The following HNRNPLL variants were observed in gnomAD, a reference collection of about 807,000 sequenced individuals.
HNRNPLL encodes heterogeneous nuclear ribonucleoprotein L like, also known as heterogeneous nuclear ribonucleoprotein L-like.
A neutral mutation model predicts 67.1 loss-of-function variants in HNRNPLL; 25 were observed. The observed-to-expected ratio is 0.37, with a 90% CI of 0.27 to 0.52. HNRNPLL has a LOEUF of 0.52. Among genes scored for constraint, HNRNPLL ranks in the 20% least tolerant of loss-of-function variants. HNRNPLL has a pLI of 0.90. For missense variants in HNRNPLL, 542 were observed against 673.9 expected (o/e 0.80, Z 2.17); for synonymous variants, 267 against 241.7 (o/e 1.10, Z -0.97).
At chr2:38,602,341 G>A (rs959456967) in intron 1 of HNRNPLL, 97 bp downstream of exon 1, 16 of 1,225,588 alleles carry the variant, frequency 1.3e-5, no homozygotes, top group Non-Finnish European at 1.7e-5. Flanking sequence ...CGGCGCAGCG[G>A]AAAAGGCTAA....
chr2:38,591,836 C>T (rs1044214412), intron 1 of HNRNPLL, among the ~76,000 whole-genome samples, 188 bp from the exon 2 acceptor site: 1 of 151,942 alleles, frequency 6.6e-6, no homozygotes, highest in African/African-American at 2.4e-5. Flanking sequence ...ATTAGCCAGG[C>T]ATGGTGGCAC....
chr2:38,571,024 G>A (rs774530688), intron 8 of HNRNPLL, among the ~76,000 whole-genome samples: 11 of 152,048 alleles, frequency 7.2e-5, no homozygotes, highest in East Asian at 3.8e-4. Context: ...CAGCCTCGGC[G>A]ATAGAACAAG....
intron 12 of HNRNPLL, 26 bp downstream of exon 12, chr2:38,568,173 C>T (rs1665944281): frequency 7.7e-6 from 11 of 1,433,736 alleles, no homozygotes; most frequent in Non-Finnish European, 1.1e-5. Flanking sequence ...TACATAATTA[C>T]AACACAAATA....
chr2:38,592,051 AT>A (rs537415549), intron 1 of HNRNPLL, among the ~76,000 whole-genome samples: 26 of 152,168 alleles, frequency 1.7e-4, no homozygotes, highest in Admixed American at 9.8e-4. Context: ...AAAAGTAAAC[AT>A]TTTTTTTAAT....
At position 38,582,266 on chromosome 2, in the gene HNRNPLL, T is replaced by A. The variant is rs1271508802; in HGVS notation, c.633-98A>T. On this transcript the variant is annotated intron_variant, in intron 4 of 12. Transcript: ENST00000449105. ...TGAAAATAATCAGAAGTAGCTCTTTTACTTCTGGAAATGTTTTACCAATTT... is the reference window on the plus strand; with the variant it reads ...TGAAAATAATCAGAAGTAGCTCTTTAACTTCTGGAAATGTTTTACCAATTT... The A allele has an allele frequency of 2.2e-5, 18 of 804,140 alleles. 1 individual carries two copies. In the South Asian group the frequency reaches 2.4e-4, roughly 11 times the overall value. 49.8% of individuals were successfully genotyped at this position (804,140 alleles called of 1,614,324 possible).
intron 1 of HNRNPLL, among the ~76,000 whole-genome samples, chr2:38,597,731 C>G (rs1667259152): frequency 6.6e-6 from 1 of 151,430 alleles, no homozygotes; most frequent in Non-Finnish European, 1.5e-5. Context: ...CTCTGTCGCC[C>G]AGGCTGGAGT....
intron 1 of HNRNPLL, among the ~76,000 whole-genome samples, chr2:38,596,303 C>G (rs1667187362): frequency 2.0e-5 from 3 of 148,984 alleles, no homozygotes; most frequent in Non-Finnish European, 4.4e-5. Flanking sequence ...CGCTCTATCA[C>G]CCAGGCTGGA....
intron 1 of HNRNPLL, among the ~76,000 whole-genome samples, chr2:38,594,238 G>C (rs1667084550): frequency 6.6e-6 from 1 of 152,028 alleles, no homozygotes; most frequent in African/African-American, 2.4e-5. Context: ...GCCTTTATTA[G>C]ACAATAGTTA....
chr2:38,564,418 G>A (rs527983947), intron 12 of HNRNPLL, among the ~76,000 whole-genome samples, 181 bp from the exon 13 acceptor site: 4 of 151,656 alleles, frequency 2.6e-5, no homozygotes, highest in South Asian at 2.1e-4. Context: ...TCAGGAGTTC[G>A]AGACCAGCCT....
rs114081432 is a variant in HNRNPLL at position 38,577,028 on chromosome 2, A to G, written c.874+433T>C. On this transcript the variant is annotated intron_variant, in intron 7 of 12. Coordinates refer to ENST00000449105, the MANE Select transcript of HNRNPLL (RefSeq NM_138394.4). ...ACCAAAATACTAGCTACAGAACTATAAGGTGAGTCTAACCAGAAGCATGTT... is the reference window on the plus strand; with the variant it reads ...ACCAAAATACTAGCTACAGAACTATGAGGTGAGTCTAACCAGAAGCATGTT... 2.2e-3 allele frequency among the ~76,000 whole-genome samples: 340 copies of G among 152,030 alleles called. No homozygotes were observed. The Middle Eastern group carries it at 0.024, about 11-fold the overall frequency.
At position 38,602,533 on chromosome 2, in the gene HNRNPLL, T is replaced by C. The variant is rs776905093; in HGVS notation, c.94A>G (p.Ile32Val). 1.3e-5 allele frequency: 21 copies of C among 1,557,686 alleles called. No individual in the cohort carries two copies. In the African/African-American group the frequency reaches 2.7e-4, roughly 20 times the overall value. ...TCGCCTTCCTCGGCCGAGTAGTCGA[T>C]CTCCCCCTCCTCGGTCTTGAGACGC... is the stretch of plus-strand genomic sequence containing the variant. ...AKRLKTEEGE[I>V]DYSAEEGENR... The change falls in exon 1 of 13, where the codon ATC becomes GTC. Residue 32 changes from isoleucine (I) to valine (V), a missense_variant. Ile to Val is a conservative substitution (Grantham distance 29). Coordinates refer to ENST00000449105, the MANE Select transcript of HNRNPLL (RefSeq NM_138394.4).
chr2:38,598,234 A>G (rs1572467294), intron 1 of HNRNPLL, among the ~76,000 whole-genome samples: 2 of 152,200 alleles, frequency 1.3e-5, no homozygotes, highest in Admixed American at 6.5e-5. Flanking sequence ...AAAATGCTTG[A>G]TAAGAAGGGA....
intron 8 of HNRNPLL, among the ~76,000 whole-genome samples, chr2:38,571,811 C>T (rs1666095203): frequency 6.6e-6 from 1 of 152,090 alleles, no homozygotes; most frequent in Admixed American, 6.6e-5. Flanking sequence ...GTTTTAAAAA[C>T]TTGCAAGATG....
chr2:38,569,896 T>C lies in HNRNPLL; in HGVS notation c.1122A>G (p.Thr374=), dbSNP rs773149789. 1.3e-6 allele frequency: 2 copies of C among 1,595,914 alleles called. No homozygotes were observed. The highest frequency in any genetic ancestry group is 1.7e-6 in the Non-Finnish European group (2 of 1,167,082). Reference sequence around the variant, plus strand: ...ACTCATCACCCATTTCTACCAGTGCTGTACCAGGAATGGTCTTCATAAATT... The same window carrying C: ...ACTCATCACCCATTTCTACCAGTGCCGTACCAGGAATGGTCTTCATAAATT... ...KVKFMKTIPG[T]ALVEMGDEYA... The change falls in exon 9 of 13, where the codon ACA becomes ACG. Residue 374 remains threonine (T), a synonymous_variant. Transcript: ENST00000449105.
At chr2:38,584,792 C>A (rs1295484941) in intron 3 of HNRNPLL, among the ~76,000 whole-genome samples, 1 of 151,956 alleles carries the variant, frequency 6.6e-6, no homozygotes, top group Non-Finnish European at 1.5e-5. Flanking sequence ...ATTCAACTAT[C>A]AAGAAATTTC....
chr2:38,565,747 A>G (rs1380607558), intron 12 of HNRNPLL, among the ~76,000 whole-genome samples: 1 of 138,866 alleles, frequency 7.2e-6, no homozygotes, highest in African/African-American at 2.5e-5. Context: ...AAAAAAAAAA[A>G]AAAAAAAGGT....
At chr2:38,586,056 C>G (rs1036239112) in intron 2 of HNRNPLL, among the ~76,000 whole-genome samples, 175 bp from the exon 3 acceptor site, 6 of 148,394 alleles carry the variant, frequency 4.0e-5, no homozygotes, top group African/African-American at 1.5e-4. Context: ...GAGTCTTTCT[C>G]TGTCGCCCAG....
At chr2:38,595,829 G>C (rs539476705) in intron 1 of HNRNPLL, among the ~76,000 whole-genome samples, 1 of 152,242 alleles carries the variant, frequency 6.6e-6, no homozygotes, top group African/African-American at 2.4e-5. Flanking sequence ...GGGCGACAGA[G>C]CGAGACTCCG....
At position 38,568,521 on chromosome 2, in the gene HNRNPLL, G is replaced by A. The variant is rs1401225158; in HGVS notation, c.1417-78C>T. 3.3e-6 allele frequency: 3 copies of A among 910,406 alleles called. No individual in the cohort carries two copies. In the African/African-American group the frequency reaches 5.0e-5, roughly 15 times the overall value. 56.4% of individuals were successfully genotyped at this position (910,406 alleles called of 1,614,324 possible). On this transcript the variant is annotated intron_variant, in intron 10 of 12. Coordinates refer to ENST00000449105, the MANE Select transcript of HNRNPLL (RefSeq NM_138394.4). ...TTTTTTACAGAAAGTAAACTTTATG[G>A]CAGAATTTAAGTTTTAATTCTCAAA...
Sources: allele counts gnomAD v4.1 joint callset (sites outside exome capture counted in the v4.1 genomes callset), GRCh38; gene constraint gnomAD v4.1.1; transcripts MANE v1.5; gene names NCBI Gene and HGNC (gene_info 2026-07-23, HGNC 2026-07-21).